The following PSMB4 variants were observed in gnomAD, a reference collection of about 807,000 sequenced individuals.
The protein encoded by PSMB4 is proteasome subunit beta type-4.
PSMB4 carries 16 observed loss-of-function variants against 35.2 expected under a neutral mutation model. The observed-to-expected ratio is 0.45, with a 90% CI of 0.31 to 0.69. PSMB4 has a LOEUF of 0.69. PSMB4 is among the 30% of genes least tolerant of loss of function. The pLI is 0.06. For synonymous variants in PSMB4, 144 were observed against 134.1 expected (o/e 1.07, Z -0.51); for missense variants, 333 against 351.8 (o/e 0.95, Z 0.43).
At chr1:151,401,091 T>C in intron 4 of PSMB4, 148 bp from the exon 5 acceptor site, 1 of 814,250 alleles carries the variant, frequency 1.2e-6, no homozygotes. Flanking sequence ...AAGTGGCTCT[T>C]AGCTTATTTT....
At chr1:151,400,990 C>A in intron 4 of PSMB4, 145 bp downstream of exon 4, 2 of 887,786 alleles carry the variant, frequency 2.3e-6, no homozygotes, top group Non-Finnish European at 1.8e-6. Context: ...AGTCTGGGGG[C>A]TGTAGGTGTT....
rs1198236098 is a variant in PSMB4 at position 151,401,897 on chromosome 1, T to G, written c.*68T>G. ...ACTTTGAACTTGGCTAGTTCAAAGA[T>G]AGACTCTTCTTTTGTAAAGTAAATA... On this transcript the variant is annotated 3_prime_UTR_variant, in exon 7 of 7. Transcript: ENST00000290541. 4.9e-6 allele frequency: 7 copies of G among 1,423,556 alleles called. No individual in the cohort carries two copies. The highest frequency in any genetic ancestry group is 6.9e-6 in the Non-Finnish European group (7 of 1,011,730). The allele number at this position is 1,423,556 out of a possible 1,614,324, so 88.2% of individuals were successfully genotyped here.
At chr1:151,401,005 C>T (rs1005567531) in intron 4 of PSMB4, 160 bp downstream of exon 4, 3 of 814,518 alleles carry the variant, frequency 3.7e-6, no homozygotes, top group Non-Finnish European at 6.2e-6. Flanking sequence ...GGTGTTGACA[C>T]TGATTCCAGT....
Position 151,399,677 on chromosome 1 carries a change from C to T in PSMB4, c.90C>T (p.Ser30=), listed in dbSNP as rs1652749854. 10 of 1,614,044 alleles carry T rather than the reference C, an allele frequency of 6.2e-6. No individual in the cohort carries two copies. In the East Asian group the frequency reaches 2.2e-4, roughly 36 times the overall value. Residue 30 remains serine, a synonymous_variant, in exon 1 of 7, where the codon TCC becomes TCT. Transcript: ENST00000290541. ...QFYRIPSTPD[S]FMDPASALYR... ...ACCGCATTCCGTCCACTCCCGATTC[C>T]TTCATGGATCCGGCGTCTGCACTTT... is the stretch of plus-strand genomic sequence containing the variant.
chr1:151,400,803 A>G lies in PSMB4; in HGVS notation c.534A>G (p.Glu178=). The part of the protein sequence containing the change: ...GYVDMLGVAY[E]APSLATGYGA... The stretch of plus-strand genomic sequence containing the variant: ...TGGACATGCTTGGTGTAGCCTATGA[A>G]GCCCCTTCGCTGGCCACTGGTTATG... The change falls in exon 4 of 7, where the codon GAA becomes GAG. Residue 178 remains glutamate, a synonymous_variant. Transcript: ENST00000290541. The G allele has an allele frequency of 6.2e-7, 1 of 1,614,176 alleles. No homozygotes were observed. Among genetic ancestry groups the G allele is most frequent in the East Asian group, 2.2e-5 (1 of 44,890 alleles).
At chr1:151,400,314 G>A in intron 2 of PSMB4, 127 bp downstream of exon 2, 4 of 1,451,634 alleles carry the variant, frequency 2.8e-6, no homozygotes, top group East Asian at 2.3e-5. Context: ...GGAGGTGGGC[G>A]ATCTGTGTTT....
intron 2 of PSMB4, 28 bp from the exon 3 acceptor site, chr1:151,400,414 C>T (rs756026557): frequency 3.7e-6 from 6 of 1,607,522 alleles, no homozygotes; most frequent in Non-Finnish European, 4.2e-6. Context: ...TAATTCTCTC[C>T]CTTTTCTCAC....
At chr1:151,401,106 G>A in intron 4 of PSMB4, 133 bp from the exon 5 acceptor site, 2 of 868,658 alleles carry the variant, frequency 2.3e-6, no homozygotes, top group Non-Finnish European at 3.7e-6. Flanking sequence ...TATTTTCTAA[G>A]CAGAGTTCAT....
chr1:151,399,943 C>G lies in PSMB4; in HGVS notation c.141-38C>G, dbSNP rs1230966430. ...CAGTGCGCGGAAAGAGGGCGCAGTC[C>G]ATCCCCCCTCTCAGCTCCCACCGTT... On this transcript the variant is annotated intron_variant, in intron 1 of 6. Transcript: ENST00000290541. The G allele has an allele frequency of 1.9e-6, 3 of 1,576,440 alleles. No homozygotes were observed. The African/African-American group carries it at 4.0e-5, about 21-fold the overall frequency.
intron 1 of PSMB4, 50 bp downstream of exon 1, chr1:151,399,777 G>A: frequency 6.2e-7 from 1 of 1,611,402 alleles, no homozygotes; most frequent in Middle Eastern, 1.9e-4. Flanking sequence ...CGTGGGGCCT[G>A]GTGCTGCCGG....
In PSMB4 at chr1:151,401,554, A is replaced by G; in HGVS notation, c.706A>G (p.Thr236Ala). ...ARSYNRFQIA[T>A]VTEKGVEIEG... ...TGCTTTCTTCCAGTTTCAAATCGCC[A>G]CTGTCACCGAAAAAGGTGTTGAAAT... The change falls in exon 6 of 7, where the codon ACT (threonine) becomes GCT (alanine). Residue 236 changes from threonine (T) to alanine (A), a missense_variant. Physicochemically the swap from Thr to Ala is moderately conservative, Grantham distance 58 (BLOSUM62 0). Coordinates refer to ENST00000290541, the MANE Select transcript of PSMB4 (RefSeq NM_002796.3). 1 of 1,611,418 alleles carries G rather than the reference A, an allele frequency of 6.2e-7. No individual in the cohort carries two copies. The highest frequency in any genetic ancestry group is 8.5e-7 in the Non-Finnish European group (1 of 1,177,482).
chr1:151,400,881 A>G (rs761655930), intron 4 of PSMB4, 36 bp downstream of exon 4: 2 of 1,569,964 alleles, frequency 1.3e-6, no homozygotes, highest in East Asian at 2.2e-5. Flanking sequence ...GAAAGGGAAG[A>G]CAAAAGGAAA....
chr1:151,401,381 T>C (rs1295784127), intron 5 of PSMB4, 26 bp downstream of exon 5: 1 of 1,605,158 alleles, frequency 6.2e-7, no homozygotes, highest in Non-Finnish European at 8.5e-7. Context: ...GGAACCTAAT[T>C]GGCGGGCTCT....
chr1:151,401,937 C>G lies in PSMB4; in HGVS notation c.*108C>G, dbSNP rs930874589. On this transcript the variant is annotated 3_prime_UTR_variant, in exon 7 of 7. Transcript: ENST00000290541. ...TAAAGTAAATAAATTCTTCAAAATGCTTGCTGAGTGGTTTTTGTCTGACTG... is the reference window on the plus strand; with the variant it reads ...TAAAGTAAATAAATTCTTCAAAATGGTTGCTGAGTGGTTTTTGTCTGACTG... 1.6e-6 allele frequency: 2 copies of G among 1,236,274 alleles called. No homozygotes were observed. Among genetic ancestry groups the G allele is most frequent in the Non-Finnish European group, 2.3e-6 (2 of 852,208 alleles). 76.6% of individuals were successfully genotyped at this position (1,236,274 alleles called of 1,614,324 possible).
At chr1:151,400,404 T>G in intron 2 of PSMB4, 38 bp from the exon 3 acceptor site, 1 of 1,604,136 alleles carries the variant, frequency 6.2e-7, no homozygotes, top group Non-Finnish European at 8.5e-7. Context: ...GACCCCGACT[T>G]AATTCTCTCC....
At chr1:151,400,920 G>A in intron 4 of PSMB4, 75 bp downstream of exon 4, 2 of 1,427,346 alleles carry the variant, frequency 1.4e-6, no homozygotes. Flanking sequence ...CTTTTCTCCT[G>A]AAATTCTGAT....
intron 4 of PSMB4, 159 bp from the exon 5 acceptor site, chr1:151,401,080 G>C (rs773337158): frequency 3.8e-6 from 3 of 783,468 alleles, no homozygotes; most frequent in African/African-American, 3.4e-5. Context: ...ACTTCTTCCT[G>C]AAGTGGCTCT....
At chr1:151,399,953 C>G in intron 1 of PSMB4, 28 bp from the exon 2 acceptor site, 2 of 1,606,950 alleles carry the variant, frequency 1.2e-6, no homozygotes, top group Non-Finnish European at 1.7e-6. Context: ...CATCCCCCCT[C>G]TCAGCTCCCA....
intron 4 of PSMB4, 83 bp from the exon 5 acceptor site, chr1:151,401,153 CTAA>C: frequency 8.7e-7 from 1 of 1,143,740 alleles, no homozygotes; most frequent in East Asian, 2.3e-5. Context: ...ATCTTTCACT[CTAA>C]TGCTTTTTAT....
Sources: allele counts gnomAD v4.1 joint callset, GRCh38; gene constraint gnomAD v4.1.1; transcripts MANE v1.5; gene names NCBI Gene and HGNC (gene_info 2026-07-23, HGNC 2026-07-21).